The following RTN4 variants were observed in gnomAD, a reference collection of about 807,000 sequenced individuals.
RTN4 encodes the protein reticulon 4.
A neutral mutation model predicts 90.4 loss-of-function variants in RTN4; 32 were observed. The observed-to-expected ratio is 0.35, with a 90% CI of 0.27 to 0.48. The LOEUF is 0.48. Ranked by LOEUF, RTN4 falls within the 20% of genes least tolerant of loss-of-function variation. RTN4 has a pLI of 0.99. For missense variants in RTN4, 1,706 were observed against 1,430.2 expected (o/e 1.19, Z -3.11); for synonymous variants, 629 against 552.5 (o/e 1.14, Z -1.94).
intron 3 of RTN4, among the ~76,000 whole-genome samples, chr2:55,014,222 A>G (rs1355292509): frequency 1.3e-5 from 2 of 152,178 alleles, no homozygotes; most frequent in South Asian, 2.1e-4. Flanking sequence ...GAATGACAGT[A>G]CAAGTTAAAA....
chr2:55,102,489 A>T lies in RTN4; in HGVS notation c.-214+10031T>A, dbSNP rs180951636. Among the ~76,000 whole-genome samples the T allele has an allele frequency of 2.6e-5, 4 of 152,244 alleles. 1 individual carries two copies. In the East Asian group the frequency reaches 7.7e-4, roughly 29 times the overall value. Reference sequence around the variant, plus strand: ...AAAACTTTATTTGTGGACGCTAAAAATTTTAATGTTATATAATTTTCACAT... The same window carrying T: ...AAAACTTTATTTGTGGACGCTAAAATTTTTAATGTTATATAATTTTCACAT... On this transcript the variant is annotated intron_variant, in intron 1 of 3. Coordinates refer to the RTN4 transcript ENST00000427710.
At chr2:55,040,427 T>TA (rs917423682) in intron 1 of RTN4, among the ~76,000 whole-genome samples, 53 of 147,230 alleles carry the variant, frequency 3.6e-4, no homozygotes, top group South Asian at 1.3e-3. Context: ...TCTAGTAGCT[T>TA]AAAAAAAAAA....
chr2:55,011,064 G>A (rs776807104), intron 3 of RTN4, among the ~76,000 whole-genome samples: 24 of 152,042 alleles, frequency 1.6e-4, no homozygotes, highest in Non-Finnish European at 2.8e-4. Context: ...ACAGGGTCTC[G>A]CTCTGTCACC....
Position 55,026,344 on chromosome 2 carries a change from A to G in RTN4, c.1755T>C (p.Val585=), listed in dbSNP as rs1203805506. Residue 585 remains valine, a synonymous_variant, in exon 3 of 9, where the codon GTT becomes GTC. Coordinates refer to ENST00000337526, the MANE Select transcript of RTN4 (RefSeq NM_020532.5). ...TKMDLVQTSE[V]MQESLYPAAQ... is the part of the protein sequence containing the mutation. ...CTGCAGGATAGAGTGACTCTTGCATAACTTCTGATGTTTGAACCAAGTCCA... is the reference window on the plus strand; with the variant it reads ...CTGCAGGATAGAGTGACTCTTGCATGACTTCTGATGTTTGAACCAAGTCCA... 5.6e-6 allele frequency: 9 copies of G among 1,613,952 alleles called. No homozygotes were observed. Among genetic ancestry groups the G allele is most frequent in the Non-Finnish European group, 6.8e-6 (8 of 1,179,876 alleles).
At chr2:55,130,650 CT>C in the RTN4 span, among the ~76,000 whole-genome samples, 1 of 152,142 alleles carries the variant, frequency 6.6e-6, no homozygotes, top group African/African-American at 2.4e-5. Context: ...ACTTGGGAGG[CT>C]GAGGCGGGAG....
At chr2:54,986,489 G>A (rs1216971821) in intron 4 of RTN4, among the ~76,000 whole-genome samples, 1 of 152,232 alleles carries the variant, frequency 6.6e-6, no homozygotes, top group East Asian at 1.9e-4. Flanking sequence ...GCAGCAGACT[G>A]CATTTGGCCA....
At chr2:55,024,948 C>G in intron 3 of RTN4, 138 bp downstream of exon 3, 4 of 1,084,006 alleles carry the variant, frequency 3.7e-6, no homozygotes, top group Non-Finnish European at 5.2e-6. Flanking sequence ...AAACCTTTAA[C>G]TGAAAAAGTG....
chr2:55,005,680 T>C (rs1340803705), intron 3 of RTN4, among the ~76,000 whole-genome samples: 1 of 152,186 alleles, frequency 6.6e-6, no homozygotes, highest in African/African-American at 2.4e-5. Context: ...TACTGTAATA[T>C]GTGGGACTAG....
chr2:55,122,608 G>A, the RTN4 span, among the ~76,000 whole-genome samples: 3 of 152,254 alleles, frequency 2.0e-5, no homozygotes, highest in Non-Finnish European at 4.4e-5. Context: ...AGCAGTCCAT[G>A]CACACATGGG....
chr2:55,012,593 T>C (rs1005468185), intron 3 of RTN4, among the ~76,000 whole-genome samples: 5 of 152,196 alleles, frequency 3.3e-5, no homozygotes, highest in Non-Finnish European at 7.4e-5. Context: ...GAAAATCATA[T>C]AATCTCTACT....
intron 1 of RTN4, among the ~76,000 whole-genome samples, chr2:55,030,434 T>C (rs771817901): frequency 6.6e-6 from 1 of 152,168 alleles, no homozygotes; most frequent in African/African-American, 2.4e-5. Flanking sequence ...TAGTTAACTA[T>C]CTTCTGGGAC....
At chr2:55,082,039 T>A (rs1441075902) in intron 1 of RTN4, among the ~76,000 whole-genome samples, 1 of 152,122 alleles carries the variant, frequency 6.6e-6, no homozygotes, top group Admixed American at 6.5e-5. Flanking sequence ...GGTAGATGGG[T>A]ACTTTACTTG....
chr2:55,028,772 C>T (rs1682093551), intron 1 of RTN4, among the ~76,000 whole-genome samples: 1 of 141,000 alleles, frequency 7.1e-6, no homozygotes, highest in South Asian at 2.5e-4. Context: ...TGTCCAAATG[C>T]CAGAGTCCAA....
At chr2:54,995,901 G>T (rs947033087) in intron 3 of RTN4, among the ~76,000 whole-genome samples, 1 of 152,036 alleles carries the variant, frequency 6.6e-6, no homozygotes, top group Non-Finnish European at 1.5e-5. Context: ...TCTTCCTCAT[G>T]CACATTATAA....
At position 55,026,246 on chromosome 2, in the gene RTN4, G is replaced by A. The variant is rs201728566; in HGVS notation, c.1853C>T (p.Ala618Val). Reference sequence around the variant, plus strand: ...ACTAGGAACTGCAGAATTCAATGGTGCTTCCATAACAATGTCAGGCAAAAC... The same window carrying A: ...ACTAGGAACTGCAGAATTCAATGGTACTTCCATAACAATGTCAGGCAAAAC... Reference protein sequence around the residue: ...SPVLPDIVMEAPLNSAVPSAG... With the variant: ...SPVLPDIVMEVPLNSAVPSAG... The change falls in exon 3 of 9, where the codon GCA (alanine) becomes GTA (valine). Residue 618 changes from alanine to valine, a missense_variant. Ala to Val is a moderately conservative substitution (Grantham distance 64). Coordinates refer to ENST00000337526, the MANE Select transcript of RTN4 (RefSeq NM_020532.5). 1.5e-5 allele frequency: 24 copies of A among 1,613,762 alleles called. No individual in the cohort carries two copies. The highest frequency in any genetic ancestry group is 1.9e-5 in the Non-Finnish European group (23 of 1,179,910).
chr2:55,043,863 G>A (rs1321727596), intron 1 of RTN4, among the ~76,000 whole-genome samples: 1 of 151,814 alleles, frequency 6.6e-6, no homozygotes, highest in African/African-American at 2.4e-5. Context: ...TCCAGCCTGG[G>A]CTACAGAGCA....
At chr2:55,120,221 G>T in the RTN4 span, among the ~76,000 whole-genome samples, 1 of 152,212 alleles carries the variant, frequency 6.6e-6, no homozygotes, top group Non-Finnish European at 1.5e-5. Context: ...TGCTGAGGCC[G>T]AAGGAAGCAA....
At position 55,025,296 on chromosome 2, in the gene RTN4, A is replaced by G. The variant is rs762548946; in HGVS notation, c.2803T>C (p.Ser935Pro). The stretch of plus-strand genomic sequence containing the variant: ...GACCCATTTTTAGAAAAGTCATCTG[A>G]GAAACTGATTTTCTCTTCAACTTTG... The part of the protein sequence containing the change: ...QPKVEEKISF[S>P]DDFSKNGSAT... The change falls in exon 3 of 9, where the codon TCA (serine) becomes CCA (proline). Residue 935 changes from serine (S) to proline (P), a missense_variant. By Grantham distance (74) the Ser-to-Pro change is moderately conservative. Coordinates refer to ENST00000337526, the MANE Select transcript of RTN4 (RefSeq NM_020532.5). 1 of 1,613,940 alleles carries G rather than the reference A, an allele frequency of 6.2e-7. No homozygotes were observed. The highest frequency in any genetic ancestry group is 8.5e-7 in the Non-Finnish European group (1 of 1,179,892).
intron 2 of RTN4, among the ~76,000 whole-genome samples, chr2:55,057,572 G>A (rs1297739159): frequency 6.6e-6 from 1 of 152,164 alleles, no homozygotes; most frequent in African/African-American, 2.4e-5. Flanking sequence ...GACCTTGAAA[G>A]TCACAAAAGC....
Sources: allele counts gnomAD v4.1 joint callset (sites outside exome capture counted in the v4.1 genomes callset), GRCh38; gene constraint gnomAD v4.1.1; transcripts MANE v1.5; gene names NCBI Gene and HGNC (gene_info 2026-07-23, HGNC 2026-07-21).